SETD9: variants seen among roughly 807,000 people sequenced by gnomAD.
SETD9 encodes the protein SET domain containing 9, also known as SET domain-containing protein 9.
A neutral mutation model predicts 36.4 loss-of-function variants in SETD9; 37 were observed. The ratio of observed to expected loss-of-function variants is 1.02; its 90% CI spans 0.78 to 1.34. The LOEUF (loss-of-function observed/expected upper bound fraction) is 1.34. Among genes scored for constraint, SETD9 ranks in the 40% most tolerant of loss-of-function variants. The pLI, the probability that SETD9 is intolerant of heterozygous loss-of-function variation, is 0.00. For synonymous variants in SETD9, 128 were observed against 132.9 expected (o/e 0.96, Z 0.26); for missense variants, 323 against 353.2 (o/e 0.91, Z 0.69).
rs36017815 is a variant in SETD9 at position 56,923,192 on chromosome 5, T to C, written c.813-2141T>C. The C allele has an allele frequency of 0.011, 17,492 of 1,613,918 alleles. 1,408 individuals are homozygous for C. The African/African-American group carries it at 0.19, about 18-fold the overall frequency. On this transcript the variant is annotated intron_variant, in intron 5 of 5. Transcript: ENST00000628593. ...GGCACTGATGAAACCATTGGTCTCGTTGGCAGAGAGACTGCCAAAGTCAGC... is the reference window on the plus strand; with the variant it reads ...GGCACTGATGAAACCATTGGTCTCGCTGGCAGAGAGACTGCCAAAGTCAGC...
chr5:56,915,437 A>G (rs1749376988), intron 5 of SETD9, among the ~76,000 whole-genome samples: 1 of 152,224 alleles, frequency 6.6e-6, no homozygotes, highest in Non-Finnish European at 1.5e-5. Flanking sequence ...CACATATTTT[A>G]ACATAGCATT....
At chr5:56,913,742 C>T in intron 3 of SETD9, 132 bp from the exon 4 acceptor site, 2 of 595,148 alleles carry the variant, frequency 3.4e-6, no homozygotes, top group Non-Finnish European at 5.9e-6. Context: ...AACTCAGTTG[C>T]CCTACTGATT....
downstream of SETD9, among the ~76,000 whole-genome samples, chr5:56,919,286 C>T (rs1401436366): frequency 2.6e-5 from 4 of 151,914 alleles, no homozygotes; most frequent in South Asian, 2.1e-4. Context: ...CCACCTCGCT[C>T]GGCTGATTTT....
Position 56,916,902 on chromosome 5 carries a change from ACT to A in SETD9, c.*3_*4del, listed in dbSNP as rs778786377. The A allele has an allele frequency of 1.4e-5, 23 of 1,595,884 alleles. No individual in the cohort carries two copies. Among genetic ancestry groups the A allele is most frequent in the South Asian group, 7.1e-5 (6 of 84,964 alleles). ...CAAACTACTACACAATTGTCAGCTA[ACT>A]CTGTGAATCAGAAATTATTAGGTTT... On this transcript the variant is annotated 3_prime_UTR_variant, in exon 6 of 6. Coordinates refer to ENST00000285947, the MANE Select transcript of SETD9 (RefSeq NM_153706.4).
chr5:56,913,053 T>C lies in SETD9; in HGVS notation c.509T>C (p.Ile170Thr), dbSNP rs1179155431. ...QKYEPIFFQS[I>T]GNPFIFRCLD... is the part of the protein sequence containing the mutation. ...TATGAGCCGATCTTTTTCCAGTCCA[T>C]TGGAAATCCGTTTATTTTTAGATGC... is the stretch of plus-strand genomic sequence containing the variant. The change falls in exon 3 of 6, where the codon ATT (isoleucine) becomes ACT (threonine). Residue 170 changes from isoleucine (I) to threonine (T), a missense_variant. Transcript: ENST00000285947. 1 of 1,613,868 alleles carries C rather than the reference T, an allele frequency of 6.2e-7. No homozygotes were observed. Among genetic ancestry groups the C allele is most frequent in the Non-Finnish European group, 8.5e-7 (1 of 1,179,802 alleles).
chr5:56,917,714 T>C (rs952230718), downstream of SETD9, among the ~76,000 whole-genome samples: 12 of 152,336 alleles, frequency 7.9e-5, no homozygotes, highest in African/African-American at 2.6e-4. Flanking sequence ...GTGCAGAGAA[T>C]AGCCTGTAGC....
At chr5:56,919,019 T>A (rs1198787588), downstream of SETD9, among the ~76,000 whole-genome samples, 2 of 152,042 alleles carry the variant, frequency 1.3e-5, no homozygotes, top group Admixed American at 6.5e-5. Context: ...TTTGACCAAA[T>A]TTCAGATCTG....
chr5:56,912,461 C>T (rs953750206), intron 2 of SETD9, among the ~76,000 whole-genome samples: 3 of 151,940 alleles, frequency 2.0e-5, no homozygotes, highest in African/African-American at 7.3e-5. Flanking sequence ...TCCTGCTGTA[C>T]GAGTAATCTA....
At position 56,912,860 on chromosome 5, in the gene SETD9, G is replaced by A. The variant is rs961068260; in HGVS notation, c.467-151G>A. ...TCTGTTTTGCTGTGTGGATGAGTTG[G>A]TTCTGTGCTCCATCTGCTATTGGGC... is the stretch of plus-strand genomic sequence containing the variant. On this transcript the variant is annotated intron_variant, in intron 2 of 5. Transcript: ENST00000285947. 4 of 706,574 alleles carry A rather than the reference G, an allele frequency of 5.7e-6. No individual in the cohort carries two copies. The African/African-American group carries it at 7.1e-5, about 13-fold the overall frequency. 43.8% of individuals were successfully genotyped at this position (706,574 alleles called of 1,614,324 possible).
chr5:56,913,244 G>T (rs1469285358), intron 3 of SETD9, 110 bp downstream of exon 3: 15 of 1,293,652 alleles, frequency 1.2e-5, no homozygotes, highest in Non-Finnish European at 3.1e-6. Context: ...TAAAGAGATG[G>T]GGTCTTGCTA....
At chr5:56,911,564 G>A (rs747504552) in intron 2 of SETD9, 28 bp downstream of exon 2, 3 of 1,489,568 alleles carry the variant, frequency 2.0e-6, no homozygotes, top group Non-Finnish European at 2.7e-6. Flanking sequence ...ATTATACTTT[G>A]CCAAGCTTCT....
intron 1 of SETD9, 72 bp downstream of exon 1, chr5:56,909,815 C>T: frequency 7.5e-7 from 1 of 1,338,544 alleles, no homozygotes; most frequent in Admixed American, 2.1e-5. Context: ...CGGCGGGACG[C>T]AAAGCGGAGA....
At chr5:56,926,317 T>C (rs183309830), downstream of SETD9, among the ~76,000 whole-genome samples, 22 of 152,022 alleles carry the variant, frequency 1.4e-4, no homozygotes, top group Admixed American at 7.9e-4. Context: ...AGCCTCAAAA[T>C]GGAAGAAAAT....
At chr5:56,917,866 A>C (rs947105096), downstream of SETD9, among the ~76,000 whole-genome samples, 1 of 152,216 alleles carries the variant, frequency 6.6e-6, no homozygotes, top group Non-Finnish European at 1.5e-5. Flanking sequence ...TCTCAGTTCC[A>C]AACTTGGATA....
Position 56,916,849 on chromosome 5 carries a change from G to A in SETD9, c.847G>A (p.Asp283Asn), listed in dbSNP as rs945483699. 2 of 1,608,044 alleles carry A rather than the reference G, an allele frequency of 1.2e-6. No homozygotes were observed. Among genetic ancestry groups the A allele is most frequent in the Non-Finnish European group, 1.7e-6 (2 of 1,177,948 alleles). The change falls in exon 6 of 6, where the codon GAC becomes AAC. Residue 283 changes from aspartate to asparagine, a missense_variant. Transcript: ENST00000285947. ...LRCVVLVALRDINQGEELFSN... is the reference protein window; with the variant it reads ...LRCVVLVALRNINQGEELFSN... ...ATGTGTTGTTCTTGTCGCACTTAGG[G>A]ACATCAATCAAGGAGAAGAGCTTTT...
chr5:56,927,551 T>C (rs1010237214), downstream of SETD9, among the ~76,000 whole-genome samples: 2 of 152,166 alleles, frequency 1.3e-5, no homozygotes, highest in African/African-American at 4.8e-5. Context: ...CTAATGAACA[T>C]ACATATGTAT....
chr5:56,909,714 G>T lies in SETD9; in HGVS notation c.69G>T (p.Trp23Cys), dbSNP rs1300803960. 2 of 1,611,512 alleles carry T rather than the reference G, an allele frequency of 1.2e-6. No homozygotes were observed. The highest frequency in any genetic ancestry group is 3.3e-5 in the Admixed American group (2 of 59,956). Residue 23 changes from tryptophan (W) to cysteine (C), a missense_variant, in exon 1 of 6, where the codon TGG becomes TGT. Coordinates refer to ENST00000285947, the MANE Select transcript of SETD9 (RefSeq NM_153706.4). Reference protein sequence around the residue: ...WRRYKYRFVPWIALNLSHNPR... With the variant: ...WRRYKYRFVPCIALNLSHNPR... Reference sequence around the variant, plus strand: ...GTTACAAGTACCGCTTCGTTCCCTGGATCGCACTGAACCTAAGCCACAACC... The same window carrying T: ...GTTACAAGTACCGCTTCGTTCCCTGTATCGCACTGAACCTAAGCCACAACC...
intron 1 of SETD9, chr5:56,909,954 C>T: frequency 8.5e-7 from 1 of 1,175,392 alleles, no homozygotes; most frequent in South Asian, 1.7e-5. Context: ...CGGGCGGGGC[C>T]GAGGTTGGTG....
chr5:56,909,841 C>A, intron 1 of SETD9, 98 bp downstream of exon 1: 1 of 910,008 alleles, frequency 1.1e-6, no homozygotes, highest in Non-Finnish European at 1.5e-6. Flanking sequence ...AGGCTGACTG[C>A]CGGCCTGAGA....
Sources: gnomAD v4.1 joint callset for allele counts (sites outside exome capture counted in the v4.1 genomes callset) on GRCh38, gnomAD v4.1.1 for gene constraint, MANE v1.5 for transcripts, NCBI Gene and HGNC (gene_info 2026-07-23, HGNC 2026-07-21) for gene names.